Variants in ADCY8 observed in about 807,000 individuals in gnomAD.
ADCY8 encodes the protein adenylate cyclase 8, also known as adenylate cyclase type 8.
A neutral mutation model predicts 119.7 loss-of-function variants in ADCY8; 51 were observed. The ratio of observed to expected loss-of-function variants is 0.43; its 90% CI spans 0.34 to 0.54. ADCY8 has a LOEUF of 0.54. Ranked by LOEUF, ADCY8 falls within the 20% of genes least tolerant of loss-of-function variation. ADCY8 has a pLI of 0.03. For missense variants in ADCY8, 1,383 were observed against 1,598.8 expected, an observed-to-expected ratio of 0.87 and a Z score of 2.30; for synonymous variants, 665 against 651.0, an observed-to-expected ratio of 1.02 and a Z score of -0.33.
intron 1 of ADCY8, among the ~76,000 whole-genome samples, chr8:131,036,922 T>G: frequency 6.6e-6 from 1 of 152,238 alleles, no homozygotes; most frequent in East Asian, 1.9e-4. Context: ...GTTAGGATTT[T>G]ACTCGAGTTG....
At chr8:130,801,956 G>T (rs187315786) in intron 14 of ADCY8, among the ~76,000 whole-genome samples, 1 of 126,626 alleles carries the variant, frequency 7.9e-6, no homozygotes, top group Admixed American at 9.1e-5. Context: ...GATTGCTATG[G>T]TTCTGTCCTT....
intron 1 of ADCY8, among the ~76,000 whole-genome samples, chr8:131,039,046 C>A (rs1411331953): frequency 2.0e-5 from 3 of 152,330 alleles, no homozygotes; most frequent in African/African-American, 7.2e-5. Flanking sequence ...TTCTCCTCCC[C>A]TTCTGTCTCC....
At chr8:130,880,393 A>G (rs1818725883) in intron 8 of ADCY8, among the ~76,000 whole-genome samples, 1 of 152,216 alleles carries the variant, frequency 6.6e-6, no homozygotes, top group African/African-American at 2.4e-5. Context: ...TCTTTTAATA[A>G]GAAAATATCC....
Position 130,996,258 on chromosome 8 carries a change from G to A in ADCY8, c.961-5716C>T, listed in dbSNP as rs138005744. On this transcript the variant is annotated intron_variant, in intron 1 of 17. Transcript: ENST00000286355. ...ATAATATGTAACTATATATATGCAT[G>A]ACTTAAGATGATTTACAGCTTTAAT... 8.8e-3 allele frequency among the ~76,000 whole-genome samples: 1,335 copies of A among 152,120 alleles called. 14 individuals are homozygous for A. The highest frequency in any genetic ancestry group is 0.015 in the Non-Finnish European group (1,006 of 67,944).
At chr8:130,982,458 C>CTT (rs1822268729) in intron 2 of ADCY8, among the ~76,000 whole-genome samples, 1 of 152,172 alleles carries the variant, frequency 6.6e-6, no homozygotes, top group South Asian at 2.1e-4. Context: ...TTGTAGAATT[C>CTT]TTTACAGCTG....
At chr8:131,024,191 T>G (rs1002675956) in intron 1 of ADCY8, among the ~76,000 whole-genome samples, 6 of 152,204 alleles carry the variant, frequency 3.9e-5, no homozygotes, top group African/African-American at 1.4e-4. Context: ...TGTCGCGTGT[T>G]TGGCAGTTTC....
intron 2 of ADCY8, among the ~76,000 whole-genome samples, chr8:130,983,208 T>C (rs1046401250): frequency 1.3e-5 from 2 of 152,202 alleles, no homozygotes; most frequent in South Asian, 2.1e-4. Flanking sequence ...CAAACACCCA[T>C]GGAATCTGGC....
intron 14 of ADCY8, among the ~76,000 whole-genome samples, chr8:130,806,918 C>A (rs1815978200): frequency 6.6e-6 from 1 of 152,146 alleles, no homozygotes; most frequent in African/African-American, 2.4e-5. Flanking sequence ...CCTACATACA[C>A]CTTCCGAGAC....
intron 1 of ADCY8, among the ~76,000 whole-genome samples, chr8:131,003,058 G>A (rs1244826733): frequency 3.9e-5 from 6 of 152,128 alleles, no homozygotes; most frequent in Non-Finnish European, 5.9e-5. Flanking sequence ...AAAATTAGCC[G>A]GGCATGGTGG....
chr8:130,951,977 G>A lies in ADCY8; in HGVS notation c.1132C>T (p.Leu378Phe), dbSNP rs750072698. Residue 378 changes from leucine to phenylalanine, a missense_variant, in exon 3 of 18, where the codon CTC (leucine) becomes TTC (phenylalanine). Transcript: ENST00000286355. ...ATTTCCAGGACAACAAACCGGGGGA[G>A]CACAGAAAGCACGAGCCGCTCCTGG... ...QRQERLVLSV[L>F]PRFVVLEMIN... 4.3e-6 allele frequency: 7 copies of A among 1,613,954 alleles called. No individual in the cohort carries two copies. Among genetic ancestry groups the A allele is most frequent in the Non-Finnish European group, 5.9e-6 (7 of 1,179,954 alleles).
intron 13 of ADCY8, among the ~76,000 whole-genome samples, chr8:130,819,620 T>C (rs1245787288): frequency 1.3e-5 from 2 of 152,214 alleles, no homozygotes; most frequent in Non-Finnish European, 2.9e-5. Context: ...TGAGTGAGCA[T>C]ATGTTTGTCT....
intron 17 of ADCY8, 92 bp from the exon 18 acceptor site, chr8:130,780,969 T>G: frequency 6.6e-7 from 1 of 1,511,954 alleles, no homozygotes; most frequent in Non-Finnish European, 9.0e-7. Context: ...TCACTATGTG[T>G]GGGGTCTCTG....
At chr8:130,891,549 T>G (rs1230599440) in intron 7 of ADCY8, among the ~76,000 whole-genome samples, 1 of 152,204 alleles carries the variant, frequency 6.6e-6, no homozygotes, top group Non-Finnish European at 1.5e-5. Flanking sequence ...TTATTCTTCT[T>G]AAGAAAGCTC....
intron 1 of ADCY8, among the ~76,000 whole-genome samples, chr8:131,026,305 G>A (rs1390912197): frequency 6.6e-6 from 1 of 152,156 alleles, no homozygotes; most frequent in Admixed American, 6.5e-5. Flanking sequence ...CCAGGAAGCA[G>A]GCCCTCACCA....
chr8:130,897,431 G>A (rs1819432370), intron 7 of ADCY8, among the ~76,000 whole-genome samples: 1 of 151,900 alleles, frequency 6.6e-6, no homozygotes, highest in Non-Finnish European at 1.5e-5. Context: ...CAACTCAAGT[G>A]GGACTAAATC....
intron 15 of ADCY8, among the ~76,000 whole-genome samples, chr8:130,794,805 A>C (rs1448089389): frequency 6.6e-6 from 1 of 152,218 alleles, no homozygotes; most frequent in Non-Finnish European, 1.5e-5. Context: ...CAATGACCCT[A>C]CTGTATCTCA....
intron 1 of ADCY8, among the ~76,000 whole-genome samples, chr8:131,013,852 A>C (rs1470942849): frequency 6.6e-6 from 1 of 152,214 alleles, no homozygotes; most frequent in Non-Finnish European, 1.5e-5. Flanking sequence ...ACATTTTCCC[A>C]AGTCACCTAA....
In ADCY8 at chr8:130,805,107, C is replaced by T. The variant is rs544377836; in HGVS notation, c.2914-4535G>A. ...TCCATCATTTGAAATATTCTGATTG[C>T]TTAAATAAAAATGTGATAATAATAT... On this transcript the variant is annotated intron_variant, in intron 14 of 17. Transcript: ENST00000286355. 4.6e-5 allele frequency among the ~76,000 whole-genome samples: 7 copies of T among 152,210 alleles called. No homozygotes were observed. The South Asian group carries it at 1.2e-3, about 27-fold the overall frequency.
intron 15 of ADCY8, among the ~76,000 whole-genome samples, chr8:130,798,122 C>A (rs1163566411): frequency 6.6e-6 from 1 of 152,122 alleles, no homozygotes; most frequent in Non-Finnish European, 1.5e-5. Flanking sequence ...AAATGCTTTG[C>A]ATTTCTGGCA....
Sources: allele counts gnomAD v4.1 joint callset (sites outside exome capture counted in the v4.1 genomes callset), GRCh38; gene constraint gnomAD v4.1.1; transcripts MANE v1.5; gene names NCBI Gene and HGNC (gene_info 2026-07-23, HGNC 2026-07-21).